GALNTL6: variants seen among roughly 807,000 people sequenced by gnomAD.
The protein encoded by GALNTL6 is polypeptide N-acetylgalactosaminyltransferase-like 6.
Under a neutral mutation model 73.7 loss-of-function variants are expected in GALNTL6, and 46 were observed. That is an observed-to-expected ratio of 0.62 (90% confidence interval 0.49 to 0.80). The LOEUF (loss-of-function observed/expected upper bound fraction) is 0.80. Among genes scored for constraint, GALNTL6 ranks in the 30% least tolerant of loss-of-function variants. GALNTL6 has a pLI of 0.00. For missense variants in GALNTL6, 604 were observed against 755.0 expected (o/e 0.80, Z 2.34); for synonymous variants, 259 against 263.7 (o/e 0.98, Z 0.17).
At chr4:172,156,702 T>A (rs1488093602) in intron 2 of GALNTL6, among the ~76,000 whole-genome samples, 2 of 150,998 alleles carry the variant, frequency 1.3e-5, no homozygotes, top group Non-Finnish European at 2.9e-5. Context: ...CACAATCAAG[T>A]TGGGGAGCCA....
At chr4:171,987,956 C>T (rs1740157323) in intron 2 of GALNTL6, among the ~76,000 whole-genome samples, 2 of 152,054 alleles carry the variant, frequency 1.3e-5, no homozygotes, top group Admixed American at 1.3e-4. Flanking sequence ...TGGGACTTAA[C>T]AAAGAGTGAG....
intron 2 of GALNTL6, among the ~76,000 whole-genome samples, chr4:172,062,176 G>A (rs1420785564): frequency 1.3e-5 from 2 of 151,514 alleles, no homozygotes; most frequent in Non-Finnish European, 2.9e-5. Context: ...GGCTTGTCTT[G>A]AATTCCTGAC....
intron 2 of GALNTL6, among the ~76,000 whole-genome samples, chr4:172,123,500 ATTTTTTT>A (rs67067629): frequency 8.7e-6 from 1 of 115,418 alleles, no homozygotes; most frequent in Non-Finnish European, 1.7e-5. Context: ...AAAAGTCATA[ATTTTTTT>A]TTTTTTTTTT....
At position 173,021,485 on chromosome 4, in the gene GALNTL6, T is replaced by G. The variant is rs1484071023; in HGVS notation, c.1498T>G (p.Phe500Val). Residue 500 changes from phenylalanine (F) to valine (V), a missense_variant, in exon 12 of 13, where the codon TTT becomes GTT. Coordinates refer to ENST00000506823, the MANE Select transcript of GALNTL6 (RefSeq NM_001034845.3). ...ACTGTTGCTTTGCTAGCTTTTTACCTTTGGATGGAGAGAAGATATTCGACC... is the reference window on the plus strand; with the variant it reads ...ACTGTTGCTTTGCTAGCTTTTTACCGTTGGATGGAGAGAAGATATTCGACC... Reference protein sequence around the residue: ...RTWSHEQLFTFGWREDIRPGE... With the variant: ...RTWSHEQLFTVGWREDIRPGE... 6.2e-7 allele frequency: 1 copy of G among 1,614,064 alleles called. No homozygotes were observed. The highest frequency in any genetic ancestry group is 8.5e-7 in the Non-Finnish European group (1 of 1,179,980).
intron 2 of GALNTL6, among the ~76,000 whole-genome samples, chr4:172,173,717 A>G (rs1417555042): frequency 1.3e-5 from 2 of 152,240 alleles, no homozygotes; most frequent in Non-Finnish European, 2.9e-5. Flanking sequence ...AAGAATTTAA[A>G]TAGTTTAAAA....
At chr4:172,613,740 C>T (rs557131850) in intron 5 of GALNTL6, among the ~76,000 whole-genome samples, 1 of 152,166 alleles carries the variant, frequency 6.6e-6, no homozygotes, top group African/African-American at 2.4e-5. Context: ...CTGAAAATGA[C>T]ATAATGTAGC....
At chr4:172,932,817 G>C (rs1319504542) in intron 9 of GALNTL6, among the ~76,000 whole-genome samples, 1 of 152,100 alleles carries the variant, frequency 6.6e-6, no homozygotes, top group African/African-American at 2.4e-5. Context: ...TTCTATTTGT[G>C]GCATCGTGTT....
At chr4:172,211,953 A>G (rs13136123) in intron 2 of GALNTL6, among the ~76,000 whole-genome samples, 1,569 of 152,216 alleles carry the variant, frequency 0.01, 33 homozygotes, top group African/African-American at 0.036. Context: ...CCAACATATG[A>G]ATTTTTGGGG....
At position 172,410,487 on chromosome 4, in the gene GALNTL6, G is replaced by A. The variant is rs551220327; in HGVS notation, c.553+61798G>A. On this transcript the variant is annotated intron_variant, in intron 5 of 12. Transcript: ENST00000506823. ...GTGAGGCAAGCACTGCCATAACACT[G>A]CATTGCAGGGAGATTTAGTTTATGC... 5.3e-5 allele frequency among the ~76,000 whole-genome samples: 8 copies of A among 152,116 alleles called. 1 individual carries two copies. In the South Asian group the frequency reaches 1.7e-3, roughly 32 times the overall value.
intron 2 of GALNTL6, among the ~76,000 whole-genome samples, chr4:171,877,799 G>T (rs945434320): frequency 6.6e-6 from 1 of 152,152 alleles, no homozygotes; most frequent in African/African-American, 2.4e-5. Context: ...AATTTTAAAT[G>T]ATAACAAAAT....
At chr4:172,689,905 T>TA (rs1733163172) in intron 5 of GALNTL6, among the ~76,000 whole-genome samples, 5 of 151,574 alleles carry the variant, frequency 3.3e-5, no homozygotes, top group Admixed American at 6.6e-5. Flanking sequence ...CTCGTGATTT[T>TA]TAAAAAAAAA....
chr4:172,901,350 C>G (rs945774770), intron 8 of GALNTL6, among the ~76,000 whole-genome samples: 2 of 152,228 alleles, frequency 1.3e-5, no homozygotes. Flanking sequence ...AGACAAATAT[C>G]TCTGTTAAAT....
chr4:171,873,358 G>A (rs561897318), intron 2 of GALNTL6, among the ~76,000 whole-genome samples: 3 of 152,178 alleles, frequency 2.0e-5, no homozygotes, highest in South Asian at 4.1e-4. Flanking sequence ...TCTTTTCTAC[G>A]CCATATGTAC....
Position 172,809,489 on chromosome 4 carries a change from C to T in GALNTL6, c.682C>T (p.Leu228=). The T allele has an allele frequency of 6.2e-7, 1 of 1,613,776 alleles. No individual in the cohort carries two copies. The highest frequency in any genetic ancestry group is 1.1e-5 in the South Asian group (1 of 91,022). ...GGCATCTATGGCCAGAGGAGAAGTC[C>T]TGACATTCCTGGACTCCCACTGCGA... ...LGASMARGEV[L]TFLDSHCEVN... The change falls in exon 6 of 13, where the codon CTG becomes TTG. Residue 228 remains leucine (L), a synonymous_variant. Coordinates refer to ENST00000506823, the MANE Select transcript of GALNTL6 (RefSeq NM_001034845.3). The surrounding 1 kb of genome is among the most constrained non-coding windows in gnomAD (Gnocchi z 4.4).
chr4:172,157,871 A>G (rs1734333330), intron 2 of GALNTL6, among the ~76,000 whole-genome samples: 1 of 152,198 alleles, frequency 6.6e-6, no homozygotes, highest in South Asian at 2.1e-4. Context: ...ATCCTAAGCT[A>G]TGTTTGCTAG....
At chr4:172,094,449 G>T (rs567087540) in intron 2 of GALNTL6, among the ~76,000 whole-genome samples, 51 of 151,976 alleles carry the variant, frequency 3.4e-4, no homozygotes, top group African/African-American at 1.1e-3. Context: ...CAAAATTGGG[G>T]AAAAAACTTA....
intron 2 of GALNTL6, among the ~76,000 whole-genome samples, chr4:172,157,568 C>T (rs915600491): frequency 6.6e-6 from 1 of 152,056 alleles, no homozygotes; most frequent in Non-Finnish European, 1.5e-5. Flanking sequence ...GAAGACAAGT[C>T]AATTTACCTC....
intron 7 of GALNTL6, among the ~76,000 whole-genome samples, chr4:172,850,210 A>C (rs1301318942): frequency 6.6e-6 from 1 of 152,196 alleles, no homozygotes; most frequent in Non-Finnish European, 1.5e-5. Context: ...CATCTTGTGT[A>C]GGACAAGGTA....
intron 8 of GALNTL6, among the ~76,000 whole-genome samples, chr4:172,904,644 G>T (rs532143070): frequency 2.6e-5 from 4 of 152,140 alleles, no homozygotes; most frequent in African/African-American, 9.6e-5. Context: ...TCTCCACCCT[G>T]GTCCTCCAGA....
Sources: allele counts gnomAD v4.1 joint callset (sites outside exome capture counted in the v4.1 genomes callset), GRCh38; gene constraint gnomAD v4.1.1; non-coding constraint Gnocchi (gnomAD v3.1); transcripts MANE v1.5; gene names NCBI Gene and HGNC (gene_info 2026-07-23, HGNC 2026-07-21).